CDH22: variants seen among roughly 807,000 people sequenced by gnomAD.
CDH22 encodes cadherin-22.
CDH22 carries 30 observed loss-of-function variants against 58.4 expected under a neutral mutation model. That is an observed-to-expected ratio of 0.51 (90% CI 0.38 to 0.70). The LOEUF is 0.70. Ranked by LOEUF, CDH22 falls within the 30% of genes least tolerant of loss-of-function variation. The pLI, the probability that CDH22 is intolerant of heterozygous loss-of-function variation, is 0.00. For missense variants in CDH22, 1,014 were observed against 1,233.9 expected, an observed-to-expected ratio of 0.82 and a Z score of 2.67; for synonymous variants, 513 against 558.2, an observed-to-expected ratio of 0.92 and a Z score of 1.14.
intron 3 of CDH22, among the ~76,000 whole-genome samples, chr20:46,238,821 G>A (rs1393633816): frequency 6.6e-6 from 1 of 152,216 alleles, no homozygotes. Flanking sequence ...TTCTGCTCTT[G>A]CCCTCTTTTC....
Position 46,210,586 on chromosome 20 carries a change from T to C in CDH22, c.1033-26A>G. 7.0e-7 allele frequency: 1 copy of C among 1,421,122 alleles called. No individual in the cohort carries two copies. The highest frequency in any genetic ancestry group is 9.2e-7 in the Non-Finnish European group (1 of 1,083,764). 88.0% of individuals were successfully genotyped at this position (1,421,122 alleles called of 1,614,324 possible). On this transcript the variant is annotated intron_variant, in intron 6 of 11. Transcript: ENST00000537909. The surrounding 1 kb of genome is among the most constrained non-coding windows in gnomAD (Gnocchi z 4.5). ...CTGCGGGAGGGAGCAGAGGGCCGGT[T>C]AGTGGGTGGGGTCTGGTGGACACTG...
At chr20:46,294,484 T>C (rs1290467846) in intron 1 of CDH22, among the ~76,000 whole-genome samples, 1 of 152,204 alleles carries the variant, frequency 6.6e-6, no homozygotes, top group Non-Finnish European at 1.5e-5. Flanking sequence ...CTGTCCTAGC[T>C]GGGGTGTGAG....
At chr20:46,209,900 C>T in intron 7 of CDH22, 1 of 180,274 alleles carries the variant, frequency 5.5e-6, no homozygotes, top group Non-Finnish European at 1.1e-5. Flanking sequence ...AGCGGAACAC[C>T]AAGGGAGATG....
intron 1 of CDH22, among the ~76,000 whole-genome samples, chr20:46,256,022 G>A (rs2086405071): frequency 1.3e-5 from 2 of 152,278 alleles, no homozygotes; most frequent in Middle Eastern, 3.4e-3. Flanking sequence ...CCTATAATCT[G>A]TCCGTCTGCC....
At chr20:46,205,191 G>T (rs2085992319) in intron 7 of CDH22, among the ~76,000 whole-genome samples, 1 of 151,854 alleles carries the variant, frequency 6.6e-6, no homozygotes, top group South Asian at 2.1e-4. Flanking sequence ...ATTGTATGTG[G>T]TTAACACTAG....
At chr20:46,246,712 G>T (rs1179646785) in intron 2 of CDH22, among the ~76,000 whole-genome samples, 1 of 152,112 alleles carries the variant, frequency 6.6e-6, no homozygotes, top group Non-Finnish European at 1.5e-5. Context: ...TGATGGAGGA[G>T]GCGGTTGTAA....
At chr20:46,197,718 G>T (rs576858673) in intron 8 of CDH22, among the ~76,000 whole-genome samples, 146 of 152,318 alleles carry the variant, frequency 9.6e-4, no homozygotes, top group African/African-American at 3.2e-3. Flanking sequence ...TCCCTTTCAT[G>T]CGGTAGAGGA....
At chr20:46,192,086 G>A (rs2085865153) in intron 8 of CDH22, among the ~76,000 whole-genome samples, 1 of 152,064 alleles carries the variant, frequency 6.6e-6, no homozygotes, top group African/African-American at 2.4e-5. Flanking sequence ...ATTCCTCTTT[G>A]TAGCATTTAC....
chr20:46,174,566 G>T lies in CDH22; in HGVS notation c.2427C>A (p.Phe809Leu). Residue 809 changes from phenylalanine (F) to leucine (L), a missense_variant, in exon 12 of 12, where the codon TTC becomes TTA. Around this residue, in one of 2 missense-constraint regions of CDH22, gnomAD observed 208 missense variants for 195.2 expected, o/e 1.07. Coordinates refer to ENST00000537909, the MANE Select transcript of CDH22 (RefSeq NM_021248.3). The surrounding 1 kb of genome is among the most constrained non-coding windows in gnomAD (Gnocchi z 4.4). Reference sequence around the variant, plus strand: ...CGGCGTAGAGCGCGGCCAGGGGCCGGAAGCGCGGACCCCAGCTGCTGAGAT... The same window carrying T: ...CGGCGTAGAGCGCGGCCAGGGGCCGTAAGCGCGGACCCCAGCTGCTGAGAT... ...FAYLSSWGPR[F>L]RPLAALYAGH... 1 of 1,528,254 alleles carries T rather than the reference G, an allele frequency of 6.5e-7. No individual in the cohort carries two copies. Among genetic ancestry groups the T allele is most frequent in the African/African-American group, 1.4e-5 (1 of 71,664 alleles). The allele number at this position is 1,528,254 out of a possible 1,614,324, so 94.7% of individuals were successfully genotyped here.
chr20:46,224,885 C>A (rs1568664703), intron 4 of CDH22, among the ~76,000 whole-genome samples: 1 of 152,228 alleles, frequency 6.6e-6, no homozygotes, highest in African/African-American at 2.4e-5. Context: ...GTTAAGGAGT[C>A]TGAGTGACTG....
At chr20:46,239,395 C>A (rs2086274817) in intron 3 of CDH22, among the ~76,000 whole-genome samples, 1 of 152,198 alleles carries the variant, frequency 6.6e-6, no homozygotes, top group Admixed American at 6.5e-5. Flanking sequence ...TGTGTGTGTA[C>A]ACCAGTCTGC....
At chr20:46,222,005 C>T (rs2086130110) in intron 4 of CDH22, among the ~76,000 whole-genome samples, 1 of 152,162 alleles carries the variant, frequency 6.6e-6, no homozygotes, top group Non-Finnish European at 1.5e-5. Flanking sequence ...GATATGGGCT[C>T]AAGTCTTCTT....
chr20:46,243,659 C>T (rs577345130), intron 2 of CDH22, among the ~76,000 whole-genome samples: 28 of 152,240 alleles, frequency 1.8e-4, no homozygotes, highest in Non-Finnish European at 2.4e-4. Flanking sequence ...ACGTTTTTTC[C>T]ACCATTGCCC....
At chr20:46,237,746 G>T (rs76922487) in intron 3 of CDH22, among the ~76,000 whole-genome samples, 295 of 152,214 alleles carry the variant, frequency 1.9e-3, no homozygotes, top group Non-Finnish European at 3.2e-3. Context: ...ATAAACTGGG[G>T]GCTGCCTCTG....
chr20:46,176,587 A>C (rs981669407), intron 11 of CDH22, among the ~76,000 whole-genome samples: 1 of 152,278 alleles, frequency 6.6e-6, no homozygotes, highest in Non-Finnish European at 1.5e-5. Flanking sequence ...TGTGCTGGGC[A>C]CTGGACTCTT....
At chr20:46,193,077 A>G (rs912842980) in intron 8 of CDH22, among the ~76,000 whole-genome samples, 7 of 152,130 alleles carry the variant, frequency 4.6e-5, no homozygotes, top group African/African-American at 1.7e-4. Flanking sequence ...TGGGTGAAGC[A>G]GGGACCCTGA....
At chr20:46,215,832 C>CTGGGGTGGGA (rs1306786606) in intron 5 of CDH22, among the ~76,000 whole-genome samples, 1 of 152,198 alleles carries the variant, frequency 6.6e-6, no homozygotes, top group African/African-American at 2.4e-5. Flanking sequence ...CCACCCATGC[C>CTGGGGTGGGA]ACCCGTCTGC....
chr20:46,223,809 TCTTCCTTTCTTCCTTCCTTC>T (rs369769203), intron 4 of CDH22, among the ~76,000 whole-genome samples: 49 of 35,510 alleles, frequency 1.4e-3, no homozygotes, highest in South Asian at 8.1e-3. Flanking sequence ...CTTCTTCCTT[TCTTCCTTTCTTCCTTCCTTC>T]CTTCCTTCCT....
intron 6 of CDH22, among the ~76,000 whole-genome samples, chr20:46,212,730 G>A (rs1244026398): frequency 6.6e-6 from 1 of 152,226 alleles, no homozygotes; most frequent in South Asian, 2.1e-4. Context: ...ACACGTCAGA[G>A]TGTTTGAGGG....
Sources: gnomAD v4.1 joint callset for allele counts (sites outside exome capture counted in the v4.1 genomes callset) on GRCh38, gnomAD v4.1.1 for gene constraint, gnomAD v4.1.1 regional missense constraint, Gnocchi (gnomAD v3.1) non-coding constraint, MANE v1.5 for transcripts, NCBI Gene and HGNC (gene_info 2026-07-23, HGNC 2026-07-21) for gene names.